Variants in BBOF1 observed in about 807,000 individuals in gnomAD.
BBOF1 encodes the protein basal body-orientation factor 1.
Under a neutral mutation model 68.0 loss-of-function variants are expected in BBOF1, and 62 were observed. That is an observed-to-expected ratio of 0.91 (90% CI 0.74 to 1.13). The LOEUF (loss-of-function observed/expected upper bound fraction) is 1.13, where lower values mean the gene tolerates loss of function less well. Among genes scored for constraint, BBOF1 ranks in the 50% most tolerant of loss-of-function variants. The probability of loss-of-function intolerance (pLI) is 0.00; values close to 1 mark genes in which losing one functional copy is unlikely to be tolerated. For missense variants in BBOF1, 534 were observed against 600.1 expected (o/e 0.89, Z 1.15); for synonymous variants, 208 against 198.8 (o/e 1.05, Z -0.39).
intron 11 of BBOF1, chr14:74,059,084 CAA>C (rs35760969): frequency 0.018 from 890 of 49,642 alleles, no homozygotes; most frequent in South Asian, 0.055. Flanking sequence ...AACTCCATCT[CAA>C]AAAAAAAAAA....
At chr14:74,075,009 G>A (rs1445376499) in intron 9 of BBOF1, 2 of 1,613,956 alleles carry the variant, frequency 1.2e-6, no homozygotes, top group Middle Eastern at 1.7e-4. Context: ...ATTTCACCTT[G>A]GAAGAAACCT....
chr14:74,078,389 T>C, intron 10 of BBOF1: 1 of 374,152 alleles, frequency 2.7e-6, no homozygotes, highest in South Asian at 2.1e-5. Context: ...GGTCTCGTCC[T>C]GTCTCCTAGG....
intron 8 of BBOF1, among the ~76,000 whole-genome samples, chr14:74,053,216 G>A (rs933106991): frequency 6.6e-6 from 1 of 151,492 alleles, no homozygotes. Context: ...GGGTTCAAGC[G>A]ATTCTCCTGC....
chr14:74,063,677 C>A (rs904522095), intron 11 of BBOF1, among the ~76,000 whole-genome samples: 2 of 151,100 alleles, frequency 1.3e-5, no homozygotes, highest in African/African-American at 4.9e-5. Flanking sequence ...ACCAGCCTGG[C>A]CAAAATGGTG....
At chr14:74,068,764 T>C, downstream of BBOF1, 1 of 1,393,392 alleles carries the variant, frequency 7.2e-7, no homozygotes, top group African/African-American at 1.4e-5. Context: ...AACACTGACA[T>C]TGGAGTGGGA....
rs140352707 is a variant in BBOF1 at position 74,064,230 on chromosome 14, G to A, written c.1579-458G>A. Among the ~76,000 whole-genome samples the A allele has an allele frequency of 1.0e-2, 1,509 of 151,622 alleles. 29 individuals carry two copies. The highest frequency in any genetic ancestry group is 0.034 in the African/African-American group (1,408 of 41,266). ...GGAGAAGTGCTTGAACCCAGGAGGC[G>A]GAGGTTGCAGTGAGCTAAGACCATG... is the stretch of plus-strand genomic sequence containing the variant. On this transcript the variant is annotated intron_variant, in intron 11 of 11. Coordinates refer to ENST00000394009, the MANE Select transcript of BBOF1 (RefSeq NM_025057.3).
chr14:74,032,641 G>A (rs932014158), intron 3 of BBOF1, among the ~76,000 whole-genome samples: 8 of 151,182 alleles, frequency 5.3e-5, no homozygotes, highest in South Asian at 2.1e-4. Context: ...TTACAGGTGC[G>A]TGCCACCATG....
At chr14:74,069,850 CTTTT>C (rs779619553), downstream of BBOF1, among the ~76,000 whole-genome samples, 4 of 122,548 alleles carry the variant, frequency 3.3e-5, no homozygotes, top group Admixed American at 8.3e-5. Context: ...CTAATCTAAC[CTTTT>C]TTTTTTTTTT....
chr14:74,072,131 A>G, intron 9 of BBOF1: 2 of 1,610,140 alleles, frequency 1.2e-6, no homozygotes, highest in Non-Finnish European at 1.7e-6. Flanking sequence ...GGGTGGCTGA[A>G]AAGGTCTCTG....
chr14:74,051,062 GGTGAAA>G (rs2060057420), intron 8 of BBOF1, among the ~76,000 whole-genome samples: 2 of 152,018 alleles, frequency 1.3e-5, no homozygotes, highest in Non-Finnish European at 2.9e-5. Context: ...TGACCAACAT[GGTGAAA>G]CCCTGTCTCT....
intron 9 of BBOF1, chr14:74,072,053 G>T: frequency 6.4e-7 from 1 of 1,564,572 alleles, no homozygotes; most frequent in Non-Finnish European, 8.8e-7. Context: ...GGAAGAATAA[G>T]ACTGGAGGAG....
intron 9 of BBOF1, chr14:74,075,110 T>A: frequency 1.8e-6 from 2 of 1,118,408 alleles, no homozygotes; most frequent in Non-Finnish European, 2.7e-6. Flanking sequence ...TGCTATAGTA[T>A]ATAGGGGGTA....
chr14:74,064,958 A>G lies in BBOF1; in HGVS notation c.*259A>G, dbSNP rs1327834961. 6.3e-7 allele frequency: 1 copy of G among 1,578,182 alleles called. No homozygotes were observed. The highest frequency in any genetic ancestry group is 1.3e-5 in the African/African-American group (1 of 74,182). ...AAATCCGTGTCATATCCTAAGGACA[A>G]AGGAACTCTCCATTTAGAAACACAA... On this transcript the variant is annotated 3_prime_UTR_variant, in exon 12 of 12. Transcript: ENST00000394009.
rs1393890465 is a variant in BBOF1, at chr14:74,065,155, A to C, written c.*456A>C. On this transcript the variant is annotated 3_prime_UTR_variant, in exon 12 of 12. Transcript: ENST00000394009. ...TAGGAAATAGTAAATGGATATAAGAATCTCTTAAAAATTCTGTTCACGAAC... is the reference window on the plus strand; with the variant it reads ...TAGGAAATAGTAAATGGATATAAGACTCTCTTAAAAATTCTGTTCACGAAC... 4 of 1,612,310 alleles carry C rather than the reference A, an allele frequency of 2.5e-6. No individual in the cohort carries two copies. Among genetic ancestry groups the C allele is most frequent in the Non-Finnish European group, 3.4e-6 (4 of 1,178,634 alleles).
At chr14:74,079,336 T>A (rs551204613) in intron 10 of BBOF1, among the ~76,000 whole-genome samples, 17 of 151,838 alleles carry the variant, frequency 1.1e-4, no homozygotes, top group Non-Finnish European at 1.9e-4. Context: ...AACCTCCACC[T>A]CCCGGGTTCA....
chr14:74,037,532 T>C (rs2059735253), intron 4 of BBOF1, among the ~76,000 whole-genome samples: 2 of 149,688 alleles, frequency 1.3e-5, no homozygotes, highest in African/African-American at 4.9e-5. Context: ...TCAAGCAGTC[T>C]GCCTGCCTGG....
intron 11 of BBOF1, chr14:74,060,302 A>C (rs965412778): frequency 3.5e-6 from 1 of 287,818 alleles, no homozygotes; most frequent in African/African-American, 2.2e-5. Context: ...GCCTGGCTGG[A>C]ACATTTTCTT....
intron 1 of BBOF1, among the ~76,000 whole-genome samples, chr14:74,022,548 A>G (rs1267806940): frequency 5.9e-5 from 9 of 151,908 alleles, no homozygotes; most frequent in Non-Finnish European, 1.0e-4. Flanking sequence ...CCCAGTTTCA[A>G]AAAGAAAAAA....
rs543510925 is a variant in BBOF1, at chr14:74,048,303, C to T, written c.792+229C>T. ...ATATATCAGAAACATAAATATGACC[C>T]TTATCCTCTACTACCTTAGAATATT... is the stretch of plus-strand genomic sequence containing the variant. On this transcript the variant is annotated intron_variant, in intron 7 of 11. Transcript: ENST00000394009. The T allele has an allele frequency of 3.3e-5, 13 of 397,910 alleles. No individual in the cohort carries two copies. In the East Asian group the frequency reaches 6.0e-4, roughly 18 times the overall value. 24.6% of individuals were successfully genotyped at this position (397,910 alleles called of 1,614,324 possible).
Sources: gnomAD v4.1 joint callset for allele counts (sites outside exome capture counted in the v4.1 genomes callset) on GRCh38, gnomAD v4.1.1 for gene constraint, MANE v1.5 for transcripts, NCBI Gene and HGNC (gene_info 2026-07-23, HGNC 2026-07-21) for gene names.